B4GALT6: variants seen among roughly 807,000 people sequenced by gnomAD.
B4GALT6 encodes the protein beta-1,4-galactosyltransferase 6.
B4GALT6 carries 14 observed loss-of-function variants against 46.3 expected under a neutral mutation model. The ratio of observed to expected loss-of-function variants is 0.30; its 90% CI spans 0.20 to 0.47. The LOEUF is 0.47. B4GALT6 is among the 20% of genes least tolerant of loss of function. The pLI is 0.99. For synonymous variants in B4GALT6, 168 were observed against 162.0 expected (o/e 1.04, Z -0.28); for missense variants, 386 against 480.1 (o/e 0.80, Z 1.83).
chr18:31,691,888 A>G, the B4GALT6 span, among the ~76,000 whole-genome samples: 1 of 152,204 alleles, frequency 6.6e-6, no homozygotes, highest in Non-Finnish European at 1.5e-5. Context: ...GTAAAAAATA[A>G]GAAGTTTAGG....
At chr18:31,653,683 G>A (rs751060690) in intron 3 of B4GALT6, among the ~76,000 whole-genome samples, 1 of 151,870 alleles carries the variant, frequency 6.6e-6, no homozygotes, top group Non-Finnish European at 1.5e-5. Context: ...CTGACCTCAA[G>A]TAACCCACCT....
rs774054425 is a variant in B4GALT6, at chr18:31,666,302, A to G, written c.186T>C (p.His62=). Reference sequence around the variant, plus strand: ...TTTTATTTGTGTACAGCCTGATCATATGACCTATTGTTTTCACATTTTCTC... The same window carrying G: ...TTTTATTTGTGTACAGCCTGATCATGTGACCTATTGTTTTCACATTTTCTC... ...MLRENVKTIG[H]MIRLYTNKNS... Residue 62 remains histidine, a synonymous_variant, in exon 2 of 9, where the codon CAT becomes CAC. Coordinates refer to ENST00000306851, the MANE Select transcript of B4GALT6 (RefSeq NM_004775.5). 3 of 1,610,082 alleles carry G rather than the reference A, an allele frequency of 1.9e-6. No homozygotes were observed. The highest frequency in any genetic ancestry group is 1.3e-5 in the African/African-American group (1 of 74,840).
rs756159203 is a variant in B4GALT6 at position 31,684,452 on chromosome 18, G to A, written c.-26C>T. 8.1e-6 allele frequency: 13 copies of A among 1,610,124 alleles called. No homozygotes were observed. Among genetic ancestry groups the A allele is most frequent in the African/African-American group, 2.7e-5 (2 of 74,814 alleles). On this transcript the variant is annotated 5_prime_UTR_variant, in exon 1 of 9. Transcript: ENST00000306851. Reference sequence around the variant, plus strand: ...CTTCCTCTTCCCTGCCAGCAGCCCAGGCTGCGCTCTCAGGCCGGACTCGGG... The same window carrying A: ...CTTCCTCTTCCCTGCCAGCAGCCCAAGCTGCGCTCTCAGGCCGGACTCGGG...
At chr18:31,648,781 T>A (rs961235800) in intron 3 of B4GALT6, among the ~76,000 whole-genome samples, 4 of 152,244 alleles carry the variant, frequency 2.6e-5, no homozygotes, top group African/African-American at 9.6e-5. Context: ...CCTACGTTTA[T>A]ATTTTTCTAA....
chr18:31,629,469 T>TTA (rs2073749435), intron 6 of B4GALT6, among the ~76,000 whole-genome samples: 1 of 137,208 alleles, frequency 7.3e-6, no homozygotes, highest in African/African-American at 2.8e-5. Flanking sequence ...TTTTTTTTTT[T>TTA]TTTTTTTTTT....
chr18:31,684,007 G>A (rs1029626814), intron 1 of B4GALT6, among the ~76,000 whole-genome samples: 50 of 152,158 alleles, frequency 3.3e-4, no homozygotes, highest in African/African-American at 1.2e-3. Context: ...GGATAAAGCT[G>A]TCATGAACAC....
At chr18:31,671,964 C>T (rs2074362071) in intron 1 of B4GALT6, among the ~76,000 whole-genome samples, 1 of 152,148 alleles carries the variant, frequency 6.6e-6, no homozygotes, top group South Asian at 2.1e-4. Context: ...AGCTTTTGGG[C>T]CAGGCATTCT....
intron 4 of B4GALT6, among the ~76,000 whole-genome samples, 191 bp from the exon 5 acceptor site, chr18:31,638,951 G>A (rs555324779): frequency 1.3e-5 from 2 of 152,330 alleles, no homozygotes; most frequent in South Asian, 4.1e-4. Context: ...TTATAAAGCT[G>A]AGAGGTAGAA....
chr18:31,705,029 C>T, the B4GALT6 span, among the ~76,000 whole-genome samples: 4 of 152,160 alleles, frequency 2.6e-5, no homozygotes, highest in Admixed American at 2.6e-4. Flanking sequence ...ATCAGGCAAA[C>T]AAGACAAATA....
chr18:31,702,105 A>C, the B4GALT6 span, among the ~76,000 whole-genome samples: 12 of 152,214 alleles, frequency 7.9e-5, no homozygotes. Flanking sequence ...ATGCAAATTA[A>C]AATGGCAATA....
At chr18:31,696,570 A>G in the B4GALT6 span, among the ~76,000 whole-genome samples, 1 of 152,190 alleles carries the variant, frequency 6.6e-6, no homozygotes, top group Non-Finnish European at 1.5e-5. Flanking sequence ...CTGTTTCTCA[A>G]CCAAAGATAT....
the B4GALT6 span, among the ~76,000 whole-genome samples, chr18:31,710,418 C>CA: frequency 3.3e-5 from 5 of 152,096 alleles, no homozygotes; most frequent in South Asian, 6.2e-4. Context: ...ACTCAATTTG[C>CA]AAAAAAATGT....
chr18:31,677,852 C>T (rs888066475), intron 1 of B4GALT6, among the ~76,000 whole-genome samples: 4 of 152,132 alleles, frequency 2.6e-5, no homozygotes, highest in South Asian at 4.1e-4. Context: ...TGGTCCAAGG[C>T]GGCCAAGAAA....
At chr18:31,648,021 G>C (rs1278086835) in intron 3 of B4GALT6, among the ~76,000 whole-genome samples, 1 of 152,138 alleles carries the variant, frequency 6.6e-6, no homozygotes, top group Non-Finnish European at 1.5e-5. Flanking sequence ...CACCTGCTAT[G>C]AATGAAGCTA....
the B4GALT6 span, among the ~76,000 whole-genome samples, chr18:31,709,437 A>ATG: frequency 7.2e-6 from 1 of 138,750 alleles, no homozygotes; most frequent in East Asian, 2.0e-4. Context: ...ATTCATACAT[A>ATG]TATATATATA....
the B4GALT6 span, among the ~76,000 whole-genome samples, chr18:31,714,780 G>A: frequency 2.8e-4 from 43 of 152,268 alleles, no homozygotes; most frequent in African/African-American, 7.7e-4. Flanking sequence ...TATTCTCATA[G>A]CAGAAGACCA....
chr18:31,724,398 T>C, the B4GALT6 span: 3 of 1,095,804 alleles, frequency 2.7e-6, no homozygotes, highest in Non-Finnish European at 3.4e-6. Flanking sequence ...TGGGGCCAAC[T>C]TAGCCCTGGT....
At chr18:31,700,969 A>G in the B4GALT6 span, among the ~76,000 whole-genome samples, 2 of 152,252 alleles carry the variant, frequency 1.3e-5, no homozygotes, top group Admixed American at 6.5e-5. Context: ...AATTTATATC[A>G]TGGCATAGCA....
At chr18:31,684,198 C>A in intron 1 of B4GALT6, 114 bp downstream of exon 1, 1 of 1,511,092 alleles carries the variant, frequency 6.6e-7, no homozygotes, top group Non-Finnish European at 8.9e-7. Context: ...AAACAAAACG[C>A]TTTTCTGCGG....
Sources: allele counts gnomAD v4.1 joint callset (sites outside exome capture counted in the v4.1 genomes callset), GRCh38; gene constraint gnomAD v4.1.1; transcripts MANE v1.5; gene names NCBI Gene and HGNC (gene_info 2026-07-23, HGNC 2026-07-21).